MRPS28: variants seen among roughly 807,000 people sequenced by gnomAD.
MRPS28 encodes mitochondrial ribosomal protein S28.
In MRPS28, 7 loss-of-function variants were observed where a neutral mutation model predicts 10.8. The observed-to-expected ratio is 0.65, with a 90% CI of 0.37 to 1.22. The LOEUF (loss-of-function observed/expected upper bound fraction) is 1.22, where lower values mean the gene tolerates loss of function less well. Among genes scored for constraint, MRPS28 ranks in the 50% most tolerant of loss-of-function variants. The pLI, the probability that MRPS28 is intolerant of heterozygous loss-of-function variation, is 0.02. For synonymous variants in MRPS28, 121 were observed against 93.3 expected (o/e 1.30, Z -1.71); for missense variants, 265 against 232.9 (o/e 1.14, Z -0.90).
chr8:79,924,023 A>G (rs1175617004), intron 2 of MRPS28, among the ~76,000 whole-genome samples: 1 of 152,196 alleles, frequency 6.6e-6, no homozygotes, highest in Admixed American at 6.5e-5. Context: ...CTCTCTGACT[A>G]GTTCTTTGAT....
At chr8:80,029,481 T>C (rs1164842673) in intron 1 of MRPS28, among the ~76,000 whole-genome samples, 4 of 152,158 alleles carry the variant, frequency 2.6e-5, no homozygotes, top group Non-Finnish European at 5.9e-5. Context: ...CAAACGGAGA[T>C]TTTACTTTAC....
intron 2 of MRPS28, among the ~76,000 whole-genome samples, chr8:79,949,510 A>G (rs1563523882): frequency 1.3e-5 from 2 of 151,926 alleles, no homozygotes; most frequent in Non-Finnish European, 2.9e-5. Context: ...TGACAGGATG[A>G]TTCCCATTAA....
rs546139503 is a variant in MRPS28 at position 79,959,866 on chromosome 8, A to T, written c.396-40718T>A. ...CAGAGGCTCATAATCTTATAAGCCAATATTAATTTTATCAAGAAAGCAACA... is the reference window on the plus strand; with the variant it reads ...CAGAGGCTCATAATCTTATAAGCCATTATTAATTTTATCAAGAAAGCAACA... On this transcript the variant is annotated intron_variant, in intron 2 of 2. Coordinates refer to ENST00000276585, the MANE Select transcript of MRPS28 (RefSeq NM_014018.3). 1.4e-4 allele frequency among the ~76,000 whole-genome samples: 22 copies of T among 152,280 alleles called. No homozygotes were observed. The South Asian group carries it at 4.3e-3, about 30-fold the overall frequency.
At chr8:79,941,488 G>T (rs903373279) in intron 2 of MRPS28, among the ~76,000 whole-genome samples, 11 of 152,194 alleles carry the variant, frequency 7.2e-5, no homozygotes, top group African/African-American at 2.4e-4. Context: ...AATAATTATT[G>T]ATAAGAAAGA....
intron 1 of MRPS28, among the ~76,000 whole-genome samples, chr8:80,023,151 T>C (rs1809410996): frequency 6.6e-6 from 1 of 152,198 alleles, no homozygotes; most frequent in Non-Finnish European, 1.5e-5. Flanking sequence ...AAGATTTTTA[T>C]TACTCAGAGG....
chr8:80,021,627 C>T (rs1480246188), intron 1 of MRPS28, among the ~76,000 whole-genome samples: 1 of 152,112 alleles, frequency 6.6e-6, no homozygotes, highest in African/African-American at 2.4e-5. Flanking sequence ...TCTAACTATT[C>T]TTGGATTTTT....
Position 79,959,444 on chromosome 8 carries a change from G to T in MRPS28, c.396-40296C>A, listed in dbSNP as rs561305945. On this transcript the variant is annotated intron_variant, in intron 2 of 2. Transcript: ENST00000276585. ...ATGAAGCTTTTTCTAAGAACTACAA[G>T]ATTCTATGTTATATATCTGTTGTAT... Among the ~76,000 whole-genome samples the T allele has an allele frequency of 1.9e-4, 29 of 152,146 alleles. No homozygotes were observed. In the South Asian group the frequency reaches 5.0e-3, roughly 26 times the overall value.
intron 2 of MRPS28, chr8:79,958,033 A>C (rs1807274190): frequency 5.2e-6 from 1 of 192,174 alleles, no homozygotes; most frequent in South Asian, 1.9e-4. Flanking sequence ...CATATCATAA[A>C]ATCTACCCAA....
intron 2 of MRPS28, among the ~76,000 whole-genome samples, chr8:80,000,174 G>C (rs1386484094): frequency 6.6e-6 from 1 of 152,192 alleles, no homozygotes; most frequent in African/African-American, 2.4e-5. Flanking sequence ...ATGAGTGAAT[G>C]AATGAATGAA....
intron 2 of MRPS28, among the ~76,000 whole-genome samples, chr8:80,000,985 T>A (rs147293297): frequency 1.3e-5 from 2 of 152,140 alleles, no homozygotes; most frequent in African/African-American, 4.8e-5. Context: ...TAAATATCCA[T>A]GAAAGAGATA....
chr8:80,029,662 G>T, intron 1 of MRPS28: 1 of 1,188,718 alleles, frequency 8.4e-7, no homozygotes, highest in Non-Finnish European at 1.1e-6. Flanking sequence ...TTCAGAACAA[G>T]ACCCAGCAGA....
chr8:80,030,135 A>ACC lies in MRPS28; in HGVS notation c.112_113dup (p.Ser39ValfsTer47). On this transcript the variant is annotated frameshift_variant, in exon 1 of 3. Transcript: ENST00000276585. LOFTEE classifies it high-confidence loss of function. ...TCTTAGGCTCCTTGGCATTGGAACT[A>ACC]CCACTTTCGGATCCACTCTCAGTGC... The ACC allele has an allele frequency of 6.2e-7, 1 of 1,612,910 alleles. No homozygotes were observed. Among genetic ancestry groups the ACC allele is most frequent in the Non-Finnish European group, 8.5e-7 (1 of 1,180,022 alleles).
chr8:79,944,948 G>A (rs189150266), intron 2 of MRPS28, among the ~76,000 whole-genome samples: 199 of 151,928 alleles, frequency 1.3e-3, no homozygotes, highest in Middle Eastern at 3.4e-3. Flanking sequence ...GTCCACCTCC[G>A]CCTCCCAAAG....
chr8:79,932,813 G>A (rs1806499099), intron 2 of MRPS28, among the ~76,000 whole-genome samples: 1 of 152,176 alleles, frequency 6.6e-6, no homozygotes, highest in African/African-American at 2.4e-5. Context: ...CACTGATAAA[G>A]CTGTCTGTCT....
chr8:79,919,275 T>C, intron 2 of MRPS28, 127 bp from the exon 3 acceptor site: 1 of 627,382 alleles, frequency 1.6e-6, no homozygotes, highest in Non-Finnish European at 2.4e-6. Context: ...CACTGGTATC[T>C]TAGAAATAGC....
intron 2 of MRPS28, among the ~76,000 whole-genome samples, chr8:79,960,204 G>C (rs1297947828): frequency 7.2e-5 from 11 of 152,102 alleles, no homozygotes; most frequent in Non-Finnish European, 1.2e-4. Flanking sequence ...GAAAATGCCT[G>C]GCTGCTTTGT....
At chr8:79,996,013 T>C (rs1808493117) in intron 2 of MRPS28, among the ~76,000 whole-genome samples, 1 of 152,182 alleles carries the variant, frequency 6.6e-6, no homozygotes, top group African/African-American at 2.4e-5. Flanking sequence ...TTTATTATGA[T>C]ACAATATAGA....
chr8:79,996,334 T>C (rs921290512), intron 2 of MRPS28, among the ~76,000 whole-genome samples: 2 of 152,316 alleles, frequency 1.3e-5, no homozygotes, highest in East Asian at 3.9e-4. Flanking sequence ...CTGATAGTTA[T>C]TAGCTTATTG....
chr8:79,987,152 C>T (rs1461785332), intron 2 of MRPS28, among the ~76,000 whole-genome samples: 3 of 151,548 alleles, frequency 2.0e-5, no homozygotes, highest in Non-Finnish European at 4.4e-5. Flanking sequence ...CTTTGACAAA[C>T]CTGACAAAAA....
Sources: gnomAD v4.1 joint callset for allele counts (sites outside exome capture counted in the v4.1 genomes callset) on GRCh38, gnomAD v4.1.1 for gene constraint, MANE v1.5 for transcripts, NCBI Gene and HGNC (gene_info 2026-07-23, HGNC 2026-07-21) for gene names.